SLC4A4: variants seen among roughly 807,000 people sequenced by gnomAD.
SLC4A4 encodes electrogenic sodium bicarbonate cotransporter 1.
In SLC4A4, 27 loss-of-function variants were observed where a neutral mutation model predicts 111.5. The ratio of observed to expected loss-of-function variants is 0.24; its 90% CI spans 0.18 to 0.33. The LOEUF (loss-of-function observed/expected upper bound fraction) is 0.33. Ranked by LOEUF, SLC4A4 falls within the 10% of genes least tolerant of loss-of-function variation. SLC4A4 has a pLI of 1.00. For missense variants in SLC4A4, 909 were observed against 1,315.5 expected (o/e 0.69, Z 4.78); for synonymous variants, 443 against 463.4 (o/e 0.96, Z 0.57).
chr4:71,369,543 G>A (rs976013960), intron 6 of SLC4A4, among the ~76,000 whole-genome samples: 15 of 152,156 alleles, frequency 9.9e-5, no homozygotes, highest in African/African-American at 2.7e-4. Context: ...TGGTTTGAAA[G>A]CATTCAAGTG....
At chr4:71,440,819 A>C in intron 8 of SLC4A4, 46 bp downstream of exon 8, 1 of 1,592,820 alleles carries the variant, frequency 6.3e-7, no homozygotes, top group Non-Finnish European at 8.6e-7. Context: ...TAATAGGGTT[A>C]TCTCCTCCCA....
chr4:71,447,418 T>G (rs1725336805), intron 8 of SLC4A4, among the ~76,000 whole-genome samples: 1 of 152,188 alleles, frequency 6.6e-6, no homozygotes, highest in African/African-American at 2.4e-5. Context: ...GCTTCTCAGG[T>G]TTCTATGCTA....
chr4:71,283,210 C>G (rs1018066933), intron 3 of SLC4A4, among the ~76,000 whole-genome samples: 1 of 152,146 alleles, frequency 6.6e-6, no homozygotes, highest in African/African-American at 2.4e-5. Context: ...CCGCTATCTC[C>G]CTCCTCCCAT....
intron 2 of SLC4A4, among the ~76,000 whole-genome samples, chr4:71,182,172 T>C (rs1309469853): frequency 6.6e-6 from 1 of 152,202 alleles, no homozygotes; most frequent in Non-Finnish European, 1.5e-5. Context: ...TAAATATTGG[T>C]TGACTGAATG....
chr4:71,348,699 G>A (rs1383027408), intron 4 of SLC4A4, among the ~76,000 whole-genome samples: 4 of 152,034 alleles, frequency 2.6e-5, no homozygotes, highest in Non-Finnish European at 5.9e-5. Flanking sequence ...AATTTTCTTT[G>A]ACATTGTGGG....
intron 2 of SLC4A4, among the ~76,000 whole-genome samples, chr4:71,252,865 G>A (rs1427581908): frequency 6.6e-6 from 1 of 152,156 alleles, no homozygotes; most frequent in Admixed American, 6.6e-5. Flanking sequence ...ATCATTGACT[G>A]TATCATTAAA....
At chr4:71,447,016 T>A (rs1190044509) in intron 8 of SLC4A4, among the ~76,000 whole-genome samples, 2 of 152,212 alleles carry the variant, frequency 1.3e-5, no homozygotes, top group Non-Finnish European at 2.9e-5. Context: ...GAAAAAATGT[T>A]GGTAAATGAC....
At chr4:71,175,099 T>C (rs1745048476) in intron 2 of SLC4A4, among the ~76,000 whole-genome samples, 1 of 152,230 alleles carries the variant, frequency 6.6e-6, no homozygotes, top group Non-Finnish European at 1.5e-5. Flanking sequence ...TACTTATTCA[T>C]ATGGAAAATT....
At chr4:71,136,668 A>G (rs1454550035) in intron 2 of SLC4A4, among the ~76,000 whole-genome samples, 1 of 152,182 alleles carries the variant, frequency 6.6e-6, no homozygotes. Context: ...TGTAACTTTG[A>G]GCAAGTTACA....
chr4:71,478,234 C>A (rs1728544955), intron 14 of SLC4A4, among the ~76,000 whole-genome samples: 1 of 151,870 alleles, frequency 6.6e-6, no homozygotes, highest in Non-Finnish European at 1.5e-5. Context: ...CTAGAAATAC[C>A]ATTTGACCCA....
In SLC4A4 at chr4:71,439,467, A is replaced by AAAAAG. The variant is rs1560509632; in HGVS notation, c.808-1139_808-1135dup. ...AAAAAAAAAAAAAAAAAAAAAAAAA[A>AAAAAG]AAAAGAAAAGAAAATCCCCAGCACC... On this transcript the variant is annotated intron_variant, in intron 7 of 25. Coordinates refer to ENST00000264485, the MANE Select transcript of SLC4A4 (RefSeq NM_001098484.3). 6.6e-4 allele frequency among the ~76,000 whole-genome samples: 90 copies of AAAAAG among 135,414 alleles called. 1 individual carries two copies. Among genetic ancestry groups the AAAAAG allele is most frequent in the African/African-American group, 2.3e-3 (80 of 34,804 alleles). The allele number at this position is 135,414 out of a possible 152,430, so 88.8% of individuals were successfully genotyped here. A position where few individuals can be genotyped will look rare whatever the true frequency, so the allele number is the denominator to read the frequency against.
chr4:71,217,228 A>C (rs1718484891), intron 1 of SLC4A4, among the ~76,000 whole-genome samples: 1 of 152,344 alleles, frequency 6.6e-6, no homozygotes, highest in South Asian at 2.1e-4. Flanking sequence ...AAAACAGTGC[A>C]AATCAGCAGT....
At chr4:71,273,018 A>G (rs1722804291) in intron 3 of SLC4A4, among the ~76,000 whole-genome samples, 1 of 152,256 alleles carries the variant, frequency 6.6e-6, no homozygotes, top group South Asian at 2.1e-4. Flanking sequence ...TGTTCTCATA[A>G]TAATAACTGC....
At chr4:71,183,526 T>C (rs146984091), upstream of SLC4A4, among the ~76,000 whole-genome samples, 799 of 152,340 alleles carry the variant, frequency 5.2e-3, 2 homozygotes, top group Non-Finnish European at 8.8e-3. Flanking sequence ...ATATGAATAC[T>C]CTTGGAGTGT....
intron 1 of SLC4A4, among the ~76,000 whole-genome samples, chr4:71,229,492 A>G (rs1673656790): frequency 6.6e-6 from 1 of 152,082 alleles, no homozygotes. Context: ...TCTGGGTTGC[A>G]TTTTCACCTT....
chr4:71,258,571 G>A (rs1578694374), intron 3 of SLC4A4, among the ~76,000 whole-genome samples: 1 of 152,168 alleles, frequency 6.6e-6, no homozygotes, highest in African/African-American at 2.4e-5. Flanking sequence ...TTTCATACGT[G>A]TTTATTGAGG....
intron 1 of SLC4A4, among the ~76,000 whole-genome samples, chr4:71,072,871 G>A (rs868240225): frequency 3.3e-5 from 5 of 152,060 alleles, no homozygotes; most frequent in Middle Eastern, 3.4e-3. Flanking sequence ...GGGCTTAAGC[G>A]ATCCTCCCAC....
chr4:71,285,376 C>T (rs560386640), intron 3 of SLC4A4, among the ~76,000 whole-genome samples: 3 of 152,116 alleles, frequency 2.0e-5, no homozygotes, highest in African/African-American at 7.2e-5. Context: ...CTCTGTGTGG[C>T]GATTACCCCC....
At chr4:71,086,318 G>T (rs1425112394) in intron 1 of SLC4A4, among the ~76,000 whole-genome samples, 1 of 151,696 alleles carries the variant, frequency 6.6e-6, no homozygotes, top group East Asian at 1.9e-4. Context: ...AGACGATGGG[G>T]TTTTCTAGAA....
Sources: allele counts gnomAD v4.1 joint callset (sites outside exome capture counted in the v4.1 genomes callset), GRCh38; gene constraint gnomAD v4.1.1; transcripts MANE v1.5; gene names NCBI Gene and HGNC (gene_info 2026-07-23, HGNC 2026-07-21).